The following ADH1B variants were observed in gnomAD, a reference collection of about 807,000 sequenced individuals.
ADH1B encodes all-trans-retinol dehydrogenase [NAD(+)] ADH1B.
Under a neutral mutation model 34.6 loss-of-function variants are expected in ADH1B, and 29 were observed. The ratio of observed to expected loss-of-function variants is 0.84; its 90% CI spans 0.62 to 1.14. ADH1B has a LOEUF of 1.14. Among genes scored for constraint, ADH1B ranks in the 50% most tolerant of loss-of-function variants. The pLI, the probability that ADH1B is intolerant of heterozygous loss-of-function variation, is 0.00. For missense variants in ADH1B, 424 were observed against 468.4 expected, an observed-to-expected ratio of 0.91 and a Z score of 0.87; for synonymous variants, 170 against 175.5, an observed-to-expected ratio of 0.97 and a Z score of 0.25.
intron 5 of ADH1B, chr4:99,315,376 G>A: frequency 5.6e-6 from 1 of 178,320 alleles, no homozygotes; most frequent in Non-Finnish European, 1.2e-5. Flanking sequence ...AGTGAATTAT[G>A]CATCACTGAG....
intron 1 of ADH1B, chr4:99,320,949 C>G (rs1160143063): frequency 8.2e-7 from 1 of 1,225,058 alleles, no homozygotes; most frequent in African/African-American, 1.6e-5. Flanking sequence ...AAAATAATAA[C>G]ACATTTGAAT....
rs1553912046 is a variant in ADH1B at position 99,305,501 on chromosome 4, C to CATACATAT, written c.*2338_*2339insATATGTAT. 1 of 94,378 alleles carries CATACATAT rather than the reference C, an allele frequency of 1.1e-5. No homozygotes were observed. Among genetic ancestry groups the CATACATAT allele is most frequent in the African/African-American group, 4.8e-5 (1 of 20,920 alleles). The allele number at this position is 94,378 out of a possible 1,614,324, so 5.8% of individuals were successfully genotyped here. On this transcript the variant is annotated 3_prime_UTR_variant, in exon 9 of 9. Transcript: ENST00000305046. Reference sequence around the variant, plus strand: ...AGCCAATACTTTCTACACTGGAATACATATATATATATATATATATATACA... The same window carrying CATACATAT: ...AGCCAATACTTTCTACACTGGAATACATACATATATATATATATATATATATATATACA...
chr4:99,309,046 G>C (rs1733683669), intron 8 of ADH1B, among the ~76,000 whole-genome samples: 1 of 151,960 alleles, frequency 6.6e-6, no homozygotes, highest in Non-Finnish European at 1.5e-5. Flanking sequence ...TTCATTAAAT[G>C]AGTCTAAAAT....
chr4:99,305,030 T>C lies in ADH1B; in HGVS notation c.*2810A>G, dbSNP rs1733566148. Reference sequence around the variant, plus strand: ...CACACCAAGGCTCAGTGCCATTTAATATGCTATTTTGCCATTTTAGTTTCC... The same window carrying C: ...CACACCAAGGCTCAGTGCCATTTAACATGCTATTTTGCCATTTTAGTTTCC... On this transcript the variant is annotated 3_prime_UTR_variant, in exon 9 of 9. Coordinates refer to ENST00000305046, the MANE Select transcript of ADH1B (RefSeq NM_000668.6). 1 of 152,218 alleles carries C rather than the reference T, an allele frequency of 6.6e-6. No individual in the cohort carries two copies. Among genetic ancestry groups the C allele is most frequent in the Admixed American group, 6.5e-5 (1 of 15,290 alleles). The allele number at this position is 152,218 out of a possible 1,614,324, so 9.4% of individuals were successfully genotyped here. A position where few individuals can be genotyped will look rare whatever the true frequency, so the allele number is the denominator to read the frequency against.
chr4:99,314,955 C>G (rs1458848897), intron 5 of ADH1B: 1 of 152,182 alleles, frequency 6.6e-6, no homozygotes, highest in Non-Finnish European at 1.5e-5. Context: ...GTAATCTCAT[C>G]CTTATATTCC....
At chr4:99,318,643 C>G (rs1197788724) in intron 2 of ADH1B, 142 bp downstream of exon 2, 1 of 807,122 alleles carries the variant, frequency 1.2e-6, no homozygotes, top group East Asian at 2.7e-5. Context: ...ATATTTATAC[C>G]TTTCCTTGAC....
In ADH1B at chr4:99,307,331, G is replaced by A. The variant is rs1025421034; in HGVS notation, c.*509C>T. 1 of 158,702 alleles carries A rather than the reference G, an allele frequency of 6.3e-6. No homozygotes were observed. The highest frequency in any genetic ancestry group is 2.4e-5 in the African/African-American group (1 of 41,466). 9.8% of individuals were successfully genotyped at this position (158,702 alleles called of 1,614,324 possible). ...TCTTGGACCTTCACTACTTGTAAAT[G>A]TGAGTCTATCCTTTACCTTACCCTA... On this transcript the variant is annotated 3_prime_UTR_variant, in exon 9 of 9. Coordinates refer to ENST00000305046, the MANE Select transcript of ADH1B (RefSeq NM_000668.6).
At chr4:99,319,606 C>T (rs910706317) in intron 1 of ADH1B, 4 of 152,034 alleles carry the variant, frequency 2.6e-5, no homozygotes, top group African/African-American at 7.3e-5. Context: ...CTCAGACCCA[C>T]GCATGTATAT....
rs1733593968 is a variant in ADH1B, at chr4:99,305,607, A to ATG, written c.*2232_*2233insCA. 1 of 117,900 alleles carries ATG rather than the reference A, an allele frequency of 8.5e-6. No homozygotes were observed. The highest frequency in any genetic ancestry group is 3.1e-5 in the African/African-American group (1 of 32,604). The allele number at this position is 117,900 out of a possible 1,614,324, so 7.3% of individuals were successfully genotyped here. A position where few individuals can be genotyped will look rare whatever the true frequency, so the allele number is the denominator to read the frequency against. ...TATATATATATATATATATATATAT[A>ATG]TACAATCACTTAACTATATGAACCA... On this transcript the variant is annotated 3_prime_UTR_variant, in exon 9 of 9. Transcript: ENST00000305046.
At chr4:99,318,997 C>T (rs889374434) in intron 1 of ADH1B, 111 bp from the exon 2 acceptor site, 4 of 1,150,046 alleles carry the variant, frequency 3.5e-6, no homozygotes, top group Non-Finnish European at 5.3e-6. Context: ...TGGTACCTAA[C>T]AAGTGCTCCA....
chr4:99,317,959 T>C, intron 3 of ADH1B, 87 bp downstream of exon 3: 1 of 1,569,262 alleles, frequency 6.4e-7, no homozygotes, highest in Non-Finnish European at 8.6e-7. Flanking sequence ...GCAAGCACTT[T>C]CGTCTCTCAT....
intron 1 of ADH1B, chr4:99,319,596 C>G (rs986313044): frequency 6.6e-6 from 1 of 152,360 alleles, no homozygotes; most frequent in African/African-American, 2.4e-5. Context: ...TGTGTATACA[C>G]TCAGACCCAC....
intron 8 of ADH1B, 72 bp from the exon 9 acceptor site, chr4:99,307,936 G>A (rs1733652923): frequency 3.1e-6 from 5 of 1,591,792 alleles, no homozygotes; most frequent in East Asian, 2.2e-5. Context: ...AGTCCAAGGA[G>A]CATCTGAGGT....
intron 3 of ADH1B, 151 bp downstream of exon 3, chr4:99,317,895 A>G (rs887976501): frequency 7.6e-7 from 1 of 1,316,080 alleles, no homozygotes; most frequent in Non-Finnish European, 1.0e-6. Flanking sequence ...TGGGTCAGGC[A>G]GGCAGAGAGG....
chr4:99,307,811 C>T lies in ADH1B; in HGVS notation c.*29G>A. 1.2e-6 allele frequency: 2 copies of T among 1,613,178 alleles called. No homozygotes were observed. Among genetic ancestry groups the T allele is most frequent in the Non-Finnish European group, 1.7e-6 (2 of 1,179,240 alleles). ...CTTGTAGGGTAGAGGAGGCTGAAGA[C>T]TGCTACAGGGGAAGGCATCTCTATT... On this transcript the variant is annotated 3_prime_UTR_variant, in exon 9 of 9. Transcript: ENST00000305046.
intron 5 of ADH1B, chr4:99,315,527 C>T (rs900031862): frequency 6.3e-6 from 2 of 316,078 alleles, no homozygotes; most frequent in South Asian, 3.0e-5. Flanking sequence ...CAAGGGCAAA[C>T]GCTTCATTTC....
chr4:99,318,830 C>A lies in ADH1B; in HGVS notation c.75G>T (p.Glu25Asp). 6.2e-7 allele frequency: 1 copy of A among 1,613,932 alleles called. No homozygotes were observed. The highest frequency in any genetic ancestry group is 8.5e-7 in the Non-Finnish European group (1 of 1,179,900). Residue 25 changes from glutamate (E) to aspartate (D), a missense_variant, in exon 2 of 9, where the codon GAG (glutamate) becomes GAT (aspartate). Physicochemically the swap from Glu to Asp is conservative, Grantham distance 45 (BLOSUM62 2). Coordinates refer to ENST00000305046, the MANE Select transcript of ADH1B (RefSeq NM_000668.6). ...CCTTAGGAGGTGCAACCTCCACATC[C>A]TCAATGGAAAAGGGTTTCTTTACCT... ...LWEVKKPFSI[E>D]DVEVAPPKAY... is the part of the protein sequence containing the mutation.
At position 99,305,100 on chromosome 4, in the gene ADH1B, C is replaced by A. The variant is rs1733567869; in HGVS notation, c.*2740G>T. 1 of 151,190 alleles carries A rather than the reference C, an allele frequency of 6.6e-6. No individual in the cohort carries two copies. The highest frequency in any genetic ancestry group is 1.5e-5 in the Non-Finnish European group (1 of 67,860). 9.4% of individuals were successfully genotyped at this position (151,190 alleles called of 1,614,324 possible). ...ATTGTTCATTTTCCTCTTTGGTTGT[C>A]TATTTTTAAATGAAAAAGCACCAGG... On this transcript the variant is annotated 3_prime_UTR_variant, in exon 9 of 9. Transcript: ENST00000305046.
chr4:99,311,606 T>C lies in ADH1B; in HGVS notation c.879A>G (p.Val293=). The C allele has an allele frequency of 6.2e-7, 1 of 1,614,030 alleles. No individual in the cohort carries two copies. The stretch of plus-strand genomic sequence containing the variant: ...GGTTCTGGGAAGCAGGAGGTACCCC[T>C]ACGATGACGCTTGTGCCACATGCCT... ...CHEACGTSVI[V]GVPPASQNLS... is the part of the protein sequence containing the mutation. The change falls in exon 7 of 9, where the codon GTA becomes GTG. Residue 293 remains valine, a synonymous_variant. Coordinates refer to ENST00000305046, the MANE Select transcript of ADH1B (RefSeq NM_000668.6).
Sources: allele counts gnomAD v4.1 joint callset (sites outside exome capture counted in the v4.1 genomes callset), GRCh38; gene constraint gnomAD v4.1.1; transcripts MANE v1.5; gene names NCBI Gene and HGNC (gene_info 2026-07-23, HGNC 2026-07-21).